SNX10: variants seen among roughly 807,000 people sequenced by gnomAD.
SNX10 encodes sorting nexin 10.
A neutral mutation model predicts 28.5 loss-of-function variants in SNX10; 25 were observed. That is an observed-to-expected ratio of 0.88 (90% CI 0.64 to 1.22). SNX10 has a LOEUF of 1.22. Ranked by LOEUF, SNX10 falls within the 50% of genes most tolerant of loss-of-function variation. The probability of loss-of-function intolerance (pLI) is 0.00; values close to 1 mark genes in which losing one functional copy is unlikely to be tolerated. For missense variants in SNX10, 223 were observed against 242.6 expected (o/e 0.92, Z 0.54); for synonymous variants, 62 against 81.4 (o/e 0.76, Z 1.28).
intron 1 of SNX10, among the ~76,000 whole-genome samples, chr7:26,337,935 G>T (rs544671905): frequency 1.3e-5 from 2 of 152,050 alleles, no homozygotes; most frequent in African/African-American, 4.8e-5. Flanking sequence ...CCAACAGAAG[G>T]GTTCCGATTT....
At chr7:26,357,142 G>C in intron 2 of SNX10, 1 of 595,958 alleles carries the variant, frequency 1.7e-6, no homozygotes, top group Non-Finnish European at 2.6e-6. Flanking sequence ...TTACAATACA[G>C]CACAGTAGGA....
Position 26,364,917 on chromosome 7 carries a change from A to G in SNX10, c.213-130A>G, listed in dbSNP as rs1240835401. 4.8e-6 allele frequency: 3 copies of G among 623,686 alleles called. No individual in the cohort carries two copies. The highest frequency in any genetic ancestry group is 8.0e-4 in the Middle Eastern group (2 of 2,510). The allele number at this position is 623,686 out of a possible 1,614,324, so 38.6% of individuals were successfully genotyped here. On this transcript the variant is annotated intron_variant, in intron 4 of 6. Coordinates refer to ENST00000338523, the MANE Select transcript of SNX10 (RefSeq NM_013322.3). This position sits in a 1 kb window ranked among gnomAD's most constrained non-coding sequence, Gnocchi z 4.9. ...CCCTTATTATATAACTATATAATGT[A>G]TAATCATAATTATAGAATAACTGTG...
chr7:26,343,924 T>C (rs1788273779), intron 1 of SNX10, among the ~76,000 whole-genome samples: 1 of 152,124 alleles, frequency 6.6e-6, no homozygotes, highest in Admixed American at 6.5e-5. Flanking sequence ...GTAAACCCTC[T>C]CCACCCCCAC....
intron 1 of SNX10, among the ~76,000 whole-genome samples, chr7:26,335,284 T>C (rs1401686877): frequency 1.3e-5 from 2 of 152,256 alleles, no homozygotes; most frequent in East Asian, 3.8e-4. Context: ...CAAGAACCTC[T>C]GGTCCCTCAG....
At chr7:26,331,733 T>G (rs1787757225) in intron 1 of SNX10, among the ~76,000 whole-genome samples, 1 of 152,202 alleles carries the variant, frequency 6.6e-6, no homozygotes, top group Admixed American at 6.5e-5. Flanking sequence ...ACCTTTTGGC[T>G]GTCTCTCCCC....
chr7:26,361,353 C>T (rs919814224), intron 3 of SNX10, among the ~76,000 whole-genome samples: 4 of 152,156 alleles, frequency 2.6e-5, no homozygotes, highest in African/African-American at 9.7e-5. Context: ...ACTTATAGCT[C>T]ATTAATGGCA....
chr7:26,325,356 A>G (rs1473763578), intron 1 of SNX10, among the ~76,000 whole-genome samples: 1 of 93,644 alleles, frequency 1.1e-5, no homozygotes, highest in African/African-American at 3.4e-5. Context: ...TGTGTTGCCC[A>G]GGCCAGAAGT....
chr7:26,319,265 G>C (rs1562793250), intron 1 of SNX10, among the ~76,000 whole-genome samples: 1 of 146,134 alleles, frequency 6.8e-6, no homozygotes, highest in East Asian at 2.0e-4. Context: ...AGGAACTCTG[G>C]TATATAACAA....
At chr7:26,356,840 T>C (rs1178102265) in intron 2 of SNX10, among the ~76,000 whole-genome samples, 2 of 152,172 alleles carry the variant, frequency 1.3e-5, no homozygotes, top group Non-Finnish European at 2.9e-5. Context: ...ATGCTGTTAA[T>C]TGGCACATCC....
At chr7:26,321,896 C>A (rs773677305) in intron 1 of SNX10, among the ~76,000 whole-genome samples, 2 of 152,110 alleles carry the variant, frequency 1.3e-5, no homozygotes, top group African/African-American at 4.8e-5. Context: ...CAGGCACATG[C>A]CACTGTGCCT....
intron 1 of SNX10, among the ~76,000 whole-genome samples, chr7:26,326,886 G>T (rs1409498964): frequency 1.3e-5 from 2 of 151,390 alleles, no homozygotes; most frequent in Non-Finnish European, 2.9e-5. Flanking sequence ...TTTTTGTGAG[G>T]ATATATGTAA....
chr7:26,318,250 G>A (rs1313654619), intron 1 of SNX10, among the ~76,000 whole-genome samples: 1 of 152,066 alleles, frequency 6.6e-6, no homozygotes, highest in Non-Finnish European at 1.5e-5. Context: ...GGTATATGTG[G>A]TTATTTCTTA....
chr7:26,372,386 T>C (rs1789590369), intron 6 of SNX10, 105 bp from the exon 7 acceptor site: 1 of 764,534 alleles, frequency 1.3e-6, no homozygotes, highest in Non-Finnish European at 2.3e-6. Flanking sequence ...CTGTCTCTCT[T>C]TGTGACTGGA....
intron 1 of SNX10, among the ~76,000 whole-genome samples, chr7:26,299,705 T>C (rs1450044301): frequency 6.6e-6 from 1 of 152,060 alleles, no homozygotes; most frequent in Non-Finnish European, 1.5e-5. Context: ...ATTACAGGTG[T>C]GAGCCACCGC....
intron 1 of SNX10, among the ~76,000 whole-genome samples, chr7:26,312,639 C>A (rs1189899668): frequency 6.6e-6 from 1 of 152,130 alleles, no homozygotes; most frequent in African/African-American, 2.4e-5. Flanking sequence ...CAAAAATTAG[C>A]CAGGCGTGTT....
chr7:26,366,010 T>A (rs931868155), intron 5 of SNX10, among the ~76,000 whole-genome samples: 1 of 152,224 alleles, frequency 6.6e-6, no homozygotes, highest in Non-Finnish European at 1.5e-5. Context: ...GTGTGTGCTA[T>A]CTTCATGTTG....
At chr7:26,299,995 G>A (rs915058592) in intron 1 of SNX10, among the ~76,000 whole-genome samples, 10 of 152,014 alleles carry the variant, frequency 6.6e-5, no homozygotes, top group Admixed American at 1.3e-4. Flanking sequence ...TGGATCTCCT[G>A]AGGTCAGGAG....
At chr7:26,320,310 T>TAAA (rs1316655985) in intron 1 of SNX10, among the ~76,000 whole-genome samples, 1 of 151,954 alleles carries the variant, frequency 6.6e-6, no homozygotes, top group African/African-American at 2.4e-5. Context: ...AAATAATATA[T>TAAA]AAAAAAAAGT....
intron 2 of SNX10, chr7:26,356,932 C>T (rs1452531455): frequency 3.3e-6 from 1 of 305,658 alleles, no homozygotes. Context: ...AGCCCAAGAA[C>T]CCAAGTAGAT....
Sources: allele counts gnomAD v4.1 joint callset (sites outside exome capture counted in the v4.1 genomes callset), GRCh38; gene constraint gnomAD v4.1.1; non-coding constraint Gnocchi (gnomAD v3.1); transcripts MANE v1.5; gene names NCBI Gene and HGNC (gene_info 2026-07-23, HGNC 2026-07-21).